MYO3B: variants seen among roughly 807,000 people sequenced by gnomAD.
MYO3B encodes the protein myosin IIIB, also known as myosin-IIIb.
MYO3B carries 156 observed loss-of-function variants against 174.6 expected under a neutral mutation model. The observed-to-expected ratio is 0.89, with a 90% CI of 0.78 to 1.02. The LOEUF (loss-of-function observed/expected upper bound fraction) is 1.02, where lower values mean the gene tolerates loss of function less well. Ranked by LOEUF, MYO3B falls within the 50% of genes least tolerant of loss-of-function variation. MYO3B has a pLI of 0.00. For synonymous variants in MYO3B, 563 were observed against 569.1 expected (o/e 0.99, Z 0.15); for missense variants, 1,632 against 1,639.4 (o/e 1.00, Z 0.08).
intron 30 of MYO3B, among the ~76,000 whole-genome samples, chr2:170,539,667 T>A (rs981868554): frequency 6.6e-6 from 1 of 152,128 alleles, no homozygotes; most frequent in Admixed American, 6.5e-5. Flanking sequence ...CTGTCCAGGC[T>A]GGAGTGCAGT....
At chr2:170,379,470 G>T (rs936265555) in intron 9 of MYO3B, among the ~76,000 whole-genome samples, 1 of 152,204 alleles carries the variant, frequency 6.6e-6, no homozygotes, top group Admixed American at 6.5e-5. Flanking sequence ...TGGGATTACA[G>T]GCGTGAACCA....
chr2:170,327,860 C>CATATATAT (rs201033292), intron 7 of MYO3B, among the ~76,000 whole-genome samples: 4,470 of 102,392 alleles, frequency 0.044, 108 homozygotes, highest in African/African-American at 0.072. Flanking sequence ...GAATTATTAG[C>CATATATAT]ATATATATAT....
intron 27 of MYO3B, among the ~76,000 whole-genome samples, chr2:170,501,551 G>A (rs190686571): frequency 6.6e-6 from 1 of 152,094 alleles, no homozygotes; most frequent in Non-Finnish European, 1.5e-5. Context: ...GAGTGTTCTG[G>A]AAATCACTGC....
chr2:170,268,826 G>A (rs547225462), intron 7 of MYO3B, among the ~76,000 whole-genome samples: 2 of 151,954 alleles, frequency 1.3e-5, no homozygotes, highest in East Asian at 1.9e-4. Flanking sequence ...TTGGCCACAC[G>A]AAAAGAAGAC....
At chr2:170,423,350 C>T (rs2094633608) in intron 22 of MYO3B, among the ~76,000 whole-genome samples, 1 of 152,096 alleles carries the variant, frequency 6.6e-6, no homozygotes, top group African/African-American at 2.4e-5. Context: ...AGGATCGCTG[C>T]ATCGGCCACA....
At chr2:170,441,326 G>A (rs377579513) in intron 22 of MYO3B, among the ~76,000 whole-genome samples, 2 of 152,140 alleles carry the variant, frequency 1.3e-5, no homozygotes, top group South Asian at 4.1e-4. Flanking sequence ...GAAGTGGTGA[G>A]TGTGTGAATC....
At chr2:170,486,950 T>C (rs998322419) in intron 25 of MYO3B, among the ~76,000 whole-genome samples, 1 of 152,194 alleles carries the variant, frequency 6.6e-6, no homozygotes, top group African/African-American at 2.4e-5. Context: ...ATTATCATGT[T>C]CCCCTAAGTC....
chr2:170,186,835 T>C (rs1026788276), intron 1 of MYO3B, among the ~76,000 whole-genome samples: 3 of 152,148 alleles, frequency 2.0e-5, no homozygotes, highest in Non-Finnish European at 2.9e-5. Flanking sequence ...GATTTCTTCA[T>C]GGTTCAATCT....
rs542036426 is a variant in MYO3B at position 170,320,684 on chromosome 2, C to CAT, written c.750-14692_750-14691dup. On this transcript the variant is annotated intron_variant, in intron 7 of 34. Coordinates refer to ENST00000408978, the MANE Select transcript of MYO3B (RefSeq NM_138995.5). Reference sequence around the variant, plus strand: ...GTATGTCATATGTAAATATTATTTACATATATATATGTGCTTATACCTGCT... The same window carrying CAT: ...GTATGTCATATGTAAATATTATTTACATATATATATATGTGCTTATACCTGCT... Among the ~76,000 whole-genome samples the CAT allele has an allele frequency of 3.7e-3, 554 of 151,722 alleles. 1 individual carries two copies. Among genetic ancestry groups the CAT allele is most frequent in the Non-Finnish European group, 6.0e-3 (410 of 67,958 alleles).
At chr2:170,580,363 C>G (rs1256899927) in intron 32 of MYO3B, among the ~76,000 whole-genome samples, 1 of 152,166 alleles carries the variant, frequency 6.6e-6, no homozygotes, top group Non-Finnish European at 1.5e-5. Flanking sequence ...TCAGGCCAGG[C>G]ACAGTGGCTC....
chr2:170,559,060 GCCTAA>G (rs1322459092), intron 32 of MYO3B, among the ~76,000 whole-genome samples: 2 of 152,114 alleles, frequency 1.3e-5, no homozygotes, highest in Non-Finnish European at 2.9e-5. Flanking sequence ...AGTTAATATG[GCCTAA>G]CCTATCCAGA....
At position 170,562,706 on chromosome 2, in the gene MYO3B, A is replaced by G. The variant is rs114847945; in HGVS notation, c.3733+18718A>G. On this transcript the variant is annotated intron_variant, in intron 32 of 34. Transcript: ENST00000408978. ...TTGAGTCATCCTTTCTGCCTCCTGT[A>G]AAATGATTGCAGTTTGTCCATTTAA... Among the ~76,000 whole-genome samples, 1,116 of 152,312 alleles carry G rather than the reference A, an allele frequency of 7.3e-3. 5 individuals carry two copies. Among genetic ancestry groups the G allele is most frequent in the Non-Finnish European group, 9.6e-3 (653 of 68,036 alleles).
chr2:170,262,784 CTTTGTGTATTTAGGGCCA>C (rs1207666405), intron 7 of MYO3B, among the ~76,000 whole-genome samples: 1 of 152,152 alleles, frequency 6.6e-6, no homozygotes, highest in East Asian at 1.9e-4. Flanking sequence ...TTGCTCACTC[CTTTGTGTATTTAGGGCCA>C]TTTGTGTATT....
chr2:170,334,903 G>A (rs188656749), intron 7 of MYO3B: 1 of 153,172 alleles, frequency 6.5e-6, no homozygotes, highest in Admixed American at 6.5e-5. Context: ...TTGATACATA[G>A]GAGATAGTTA....
chr2:170,242,998 G>A (rs1193700353), intron 7 of MYO3B, among the ~76,000 whole-genome samples: 1 of 152,182 alleles, frequency 6.6e-6, no homozygotes, highest in East Asian at 1.9e-4. Context: ...GAGCAATGAG[G>A]TGATAGTCTA....
In MYO3B at chr2:170,487,635, G is replaced by A. The variant is rs182266513; in HGVS notation, c.3015-10957G>A. ...TGTTTCAGTCTGTGTAATTAGCCTT[G>A]AGATAAATTTTCACATTGACTTAGG... On this transcript the variant is annotated intron_variant, in intron 25 of 34. Coordinates refer to ENST00000408978, the MANE Select transcript of MYO3B (RefSeq NM_138995.5). 4.6e-4 allele frequency among the ~76,000 whole-genome samples: 70 copies of A among 152,302 alleles called. No homozygotes were observed. In the East Asian group the frequency reaches 0.012, roughly 26 times the overall value.
At chr2:170,588,655 T>C (rs1224997963) in intron 32 of MYO3B, among the ~76,000 whole-genome samples, 1 of 152,186 alleles carries the variant, frequency 6.6e-6, no homozygotes, top group East Asian at 1.9e-4. Flanking sequence ...AAAGTGGCAT[T>C]TCTCCTTCCA....
intron 32 of MYO3B, among the ~76,000 whole-genome samples, chr2:170,626,907 T>G (rs550461212): frequency 1.3e-5 from 2 of 152,346 alleles, no homozygotes; most frequent in South Asian, 2.1e-4. Context: ...GAGTTTCTGC[T>G]GAGAGATCCA....
chr2:170,197,002 T>C (rs2092607966), intron 1 of MYO3B, among the ~76,000 whole-genome samples: 1 of 151,476 alleles, frequency 6.6e-6, no homozygotes, highest in South Asian at 2.1e-4. Flanking sequence ...ATCGGTCTTT[T>C]GAGATATCTT....
Sources: gnomAD v4.1 joint callset for allele counts (sites outside exome capture counted in the v4.1 genomes callset) on GRCh38, gnomAD v4.1.1 for gene constraint, MANE v1.5 for transcripts, NCBI Gene and HGNC (gene_info 2026-07-23, HGNC 2026-07-21) for gene names.